The following ASAP1 variants were observed in gnomAD, a reference collection of about 807,000 sequenced individuals.
ASAP1 encodes arf-GAP with SH3 domain, ANK repeat and PH domain-containing protein 1.
A neutral mutation model predicts 145.2 loss-of-function variants in ASAP1; 43 were observed. The ratio of observed to expected loss-of-function variants is 0.30; its 90% confidence interval spans 0.23 to 0.38. The LOEUF (loss-of-function observed/expected upper bound fraction) is 0.38. Among genes scored for constraint, ASAP1 ranks in the 10% least tolerant of loss-of-function variants. ASAP1 has a pLI of 1.00. For missense variants in ASAP1, 1,018 were observed against 1,355.3 expected, an observed-to-expected ratio of 0.75 and a Z score of 3.91; for synonymous variants, 546 against 515.5, an observed-to-expected ratio of 1.06 and a Z score of -0.80.
intron 9 of ASAP1, among the ~76,000 whole-genome samples, chr8:130,174,916 G>T (rs1813849366): frequency 6.6e-6 from 1 of 152,170 alleles, no homozygotes; most frequent in African/African-American, 2.4e-5. Context: ...ATATCTGGGT[G>T]TTTCCGTGTT....
At chr8:130,421,683 C>T (rs1829724676) in intron 1 of ASAP1, among the ~76,000 whole-genome samples, 1 of 152,176 alleles carries the variant, frequency 6.6e-6, no homozygotes, top group African/African-American at 2.4e-5. Context: ...GGATGAGAGA[C>T]TCCCACCGAA....
At chr8:130,071,010 G>A (rs2097444796) in intron 27 of ASAP1, among the ~76,000 whole-genome samples, 7 of 48,152 alleles carry the variant, frequency 1.5e-4, no homozygotes, top group Non-Finnish European at 2.3e-4. Context: ...AGGGGAGGGG[G>A]GGAGAGAGAG....
At chr8:130,256,329 G>A (rs2136918659) in intron 3 of ASAP1, among the ~76,000 whole-genome samples, 1 of 147,296 alleles carries the variant, frequency 6.8e-6, no homozygotes, top group African/African-American at 2.5e-5. Context: ...AGTCTCCCTT[G>A]TCCCTAGCTC....
intron 3 of ASAP1, among the ~76,000 whole-genome samples, chr8:130,313,235 A>G (rs1823465496): frequency 6.6e-6 from 1 of 152,206 alleles, no homozygotes; most frequent in South Asian, 2.1e-4. Flanking sequence ...GATAATTTCT[A>G]AGCAATTCTG....
At chr8:130,071,715 C>A (rs1225056061) in intron 27 of ASAP1, among the ~76,000 whole-genome samples, 1 of 152,142 alleles carries the variant, frequency 6.6e-6, no homozygotes, top group East Asian at 1.9e-4. Flanking sequence ...TGTGTATTTA[C>A]CCAGACCACT....
In ASAP1 at chr8:130,072,491, C is replaced by A. The variant is rs138757769; in HGVS notation, c.2701+3857G>T. On this transcript the variant is annotated intron_variant, in intron 27 of 29. Transcript: ENST00000518721. ...CCTTCTGCCATGATTGCGAGGCCTC[C>A]CCTGCCACATGGAACTGTGAGTCCA... 7.3e-3 allele frequency among the ~76,000 whole-genome samples: 1,027 copies of A among 141,596 alleles called. 13 individuals are homozygous for A. The highest frequency in any genetic ancestry group is 0.025 in the African/African-American group (994 of 39,120). 92.9% of individuals were successfully genotyped at this position (141,596 alleles called of 152,430 possible). A position where few individuals can be genotyped will look rare whatever the true frequency, so the allele number is the denominator to read the frequency against.
At chr8:130,185,942 G>C (rs1814697214) in intron 7 of ASAP1, among the ~76,000 whole-genome samples, 1 of 151,988 alleles carries the variant, frequency 6.6e-6, no homozygotes, top group African/African-American at 2.4e-5. Flanking sequence ...CCTAATATTG[G>C]TAGTACTTTA....
intron 3 of ASAP1, among the ~76,000 whole-genome samples, chr8:130,355,321 A>G (rs1307850089): frequency 6.6e-6 from 1 of 152,224 alleles, no homozygotes; most frequent in African/African-American, 2.4e-5. Context: ...TGGGGCTCCA[A>G]TCTTGGAGAT....
intron 1 of ASAP1, among the ~76,000 whole-genome samples, chr8:130,429,613 T>G (rs1371321540): frequency 6.6e-6 from 1 of 152,222 alleles, no homozygotes; most frequent in African/African-American, 2.4e-5. Flanking sequence ...GATTACCCTC[T>G]GTAGACTCTG....
chr8:130,190,168 T>G (rs1815041798), intron 5 of ASAP1, among the ~76,000 whole-genome samples: 1 of 152,244 alleles, frequency 6.6e-6, no homozygotes, highest in South Asian at 2.1e-4. Flanking sequence ...CACTTGCGTT[T>G]GCTCATTTTT....
intron 3 of ASAP1, among the ~76,000 whole-genome samples, chr8:130,241,046 T>C (rs1308025363): frequency 2.0e-5 from 3 of 151,960 alleles, no homozygotes; most frequent in Non-Finnish European, 4.4e-5. Flanking sequence ...CCAGGCCGAG[T>C]GGTATCCCTC....
chr8:130,436,707 C>CA (rs1328565029), intron 1 of ASAP1, among the ~76,000 whole-genome samples: 1 of 152,170 alleles, frequency 6.6e-6, no homozygotes, highest in East Asian at 1.9e-4. Context: ...GAGGCTGAGG[C>CA]AGGAAGATCA....
At chr8:130,357,977 A>C (rs1565243133) in intron 3 of ASAP1, 40 bp downstream of exon 3, 3 of 1,576,768 alleles carry the variant, frequency 1.9e-6, no homozygotes, top group Non-Finnish European at 2.6e-6. Context: ...GCGCGGCGGC[A>C]GCGGCGAGCG....
chr8:130,306,217 C>A (rs1822983520), intron 3 of ASAP1, among the ~76,000 whole-genome samples: 1 of 152,198 alleles, frequency 6.6e-6, no homozygotes. Context: ...CACCTTGATA[C>A]TGCAGGCAAT....
intron 24 of ASAP1, among the ~76,000 whole-genome samples, chr8:130,098,974 T>C (rs1316307135): frequency 2.0e-5 from 3 of 150,724 alleles, no homozygotes; most frequent in Non-Finnish European, 3.0e-5. Flanking sequence ...TCTTATACTC[T>C]CTACTAATAT....
chr8:130,185,729 C>CAAA lies in ASAP1; in HGVS notation c.530+1504_530+1506dup, dbSNP rs778486303. 9.3e-4 allele frequency among the ~76,000 whole-genome samples: 53 copies of CAAA among 57,072 alleles called. 1 individual carries two copies. The highest frequency in any genetic ancestry group is 2.5e-3 in the African/African-American group (41 of 16,604). 37.4% of individuals were successfully genotyped at this position (57,072 alleles called of 152,430 possible). On this transcript the variant is annotated intron_variant, in intron 7 of 29. Coordinates refer to ENST00000518721, the MANE Select transcript of ASAP1 (RefSeq NM_018482.4). Reference sequence around the variant, plus strand: ...GGGCAACAAGAGTGAAACTCCGCCTCAAAAAAAAAAAAAAAAAAAGAAAAA... The same window carrying CAAA: ...GGGCAACAAGAGTGAAACTCCGCCTCAAAAAAAAAAAAAAAAAAAAAAGAAAAA...
chr8:130,167,250 C>T (rs773304284), intron 11 of ASAP1, among the ~76,000 whole-genome samples: 6 of 148,816 alleles, frequency 4.0e-5, no homozygotes, highest in Non-Finnish European at 9.1e-5. Context: ...CATAAGTGTG[C>T]CTGCCGCCTC....
chr8:130,261,265 T>C (rs1234093351), intron 3 of ASAP1, among the ~76,000 whole-genome samples: 1 of 152,206 alleles, frequency 6.6e-6, no homozygotes, highest in Non-Finnish European at 1.5e-5. Flanking sequence ...CACAGGCCAG[T>C]TACTTTGGTG....
intron 3 of ASAP1, among the ~76,000 whole-genome samples, chr8:130,265,391 C>A (rs556808450): frequency 2.0e-5 from 3 of 150,884 alleles, no homozygotes; most frequent in South Asian, 2.1e-4. Context: ...GGTAACATAG[C>A]AAGACCTCAT....
Sources: allele counts gnomAD v4.1 joint callset (sites outside exome capture counted in the v4.1 genomes callset), GRCh38; gene constraint gnomAD v4.1.1; transcripts MANE v1.5; gene names NCBI Gene and HGNC (gene_info 2026-07-23, HGNC 2026-07-21).